The following VWA3B variants were observed in gnomAD, a reference collection of about 807,000 sequenced individuals.
The protein encoded by VWA3B is von Willebrand factor A domain-containing protein 3B.
Under a neutral mutation model 158.3 loss-of-function variants are expected in VWA3B, and 138 were observed. The ratio of observed to expected loss-of-function variants is 0.87; its 90% CI spans 0.76 to 1.00. The LOEUF is 1.00. VWA3B is among the 50% of genes least tolerant of loss of function. The pLI, the probability that VWA3B is intolerant of heterozygous loss-of-function variation, is 0.00. For synonymous variants in VWA3B, 596 were observed against 587.3 expected, an observed-to-expected ratio of 1.01 and a Z score of -0.21; for missense variants, 1,555 against 1,565.1, an observed-to-expected ratio of 0.99 and a Z score of 0.11.
chr2:98,186,600 C>T (rs945672823), intron 9 of VWA3B, among the ~76,000 whole-genome samples: 1 of 151,960 alleles, frequency 6.6e-6, no homozygotes, highest in Non-Finnish European at 1.5e-5. Flanking sequence ...TTCCTGACTC[C>T]TCTCTTTTCT....
intron 9 of VWA3B, among the ~76,000 whole-genome samples, chr2:98,184,855 C>T (rs898361575): frequency 1.3e-5 from 2 of 152,200 alleles, no homozygotes; most frequent in African/African-American, 4.8e-5. Flanking sequence ...CTTCCCACGT[C>T]ATCAGACTGT....
At chr2:98,244,164 T>C (rs1335534737) in intron 19 of VWA3B, among the ~76,000 whole-genome samples, 1 of 152,320 alleles carries the variant, frequency 6.6e-6, no homozygotes, top group Admixed American at 6.5e-5. Context: ...TATGAACATT[T>C]TTCCTTACAA....
chr2:98,222,705 C>A (rs1684611134), intron 14 of VWA3B, among the ~76,000 whole-genome samples: 1 of 152,204 alleles, frequency 6.6e-6, no homozygotes, highest in African/African-American at 2.4e-5. Flanking sequence ...CTTCAGGCAG[C>A]ACCAGCAAGG....
chr2:98,174,554 T>G (rs1165863862), intron 8 of VWA3B, among the ~76,000 whole-genome samples: 1 of 152,182 alleles, frequency 6.6e-6, no homozygotes, highest in Non-Finnish European at 1.5e-5. Flanking sequence ...TGTGGCTGAC[T>G]AAGGTTGTAG....
chr2:98,282,864 G>A (rs13415414), intron 22 of VWA3B, among the ~76,000 whole-genome samples: 34,553 of 152,106 alleles, frequency 0.23, 4,176 homozygotes, highest in Admixed American at 0.33. Context: ...TTTCTTAGGC[G>A]TCATTTGCAG....
At chr2:98,108,769 G>C (rs1163509296) in intron 2 of VWA3B, among the ~76,000 whole-genome samples, 1 of 151,166 alleles carries the variant, frequency 6.6e-6, no homozygotes, top group Admixed American at 6.6e-5. Flanking sequence ...ACAGTATATT[G>C]TTGAGTCTTT....
chr2:98,113,576 T>C (rs1674310658), intron 2 of VWA3B, among the ~76,000 whole-genome samples: 1 of 152,226 alleles, frequency 6.6e-6, no homozygotes, highest in Non-Finnish European at 1.5e-5. Flanking sequence ...ACAGCTTTAT[T>C]GAGCTATAAT....
intron 9 of VWA3B, 93 bp downstream of exon 9, chr2:98,181,305 C>A: frequency 2.2e-6 from 3 of 1,379,898 alleles, no homozygotes; most frequent in Admixed American, 2.1e-5. Context: ...GGGGAAGGGG[C>A]AGCAGGGAGA....
chr2:98,100,943 G>C (rs560800342), intron 2 of VWA3B, among the ~76,000 whole-genome samples: 2 of 152,250 alleles, frequency 1.3e-5, no homozygotes, highest in African/African-American at 4.8e-5. Flanking sequence ...TGATGTTTCT[G>C]TAGGGGACAA....
At chr2:98,104,474 A>C (rs1683292247) in intron 2 of VWA3B, among the ~76,000 whole-genome samples, 1 of 152,202 alleles carries the variant, frequency 6.6e-6, no homozygotes, top group African/African-American at 2.4e-5. Context: ...ACTAAGATTG[A>C]GAACTCCCTC....
chr2:98,229,827 G>A (rs551835915), intron 15 of VWA3B, among the ~76,000 whole-genome samples: 1 of 152,310 alleles, frequency 6.6e-6, no homozygotes, highest in African/African-American at 2.4e-5. Context: ...GACCAGACCT[G>A]TGAAGTGAGC....
At chr2:98,203,140 A>G (rs987905782) in intron 12 of VWA3B, among the ~76,000 whole-genome samples, 1 of 151,996 alleles carries the variant, frequency 6.6e-6, no homozygotes, top group Non-Finnish European at 1.5e-5. Context: ...CGGTTTATTT[A>G]TTTTTCGCCT....
chr2:98,241,526 G>A (rs1435237583), intron 19 of VWA3B, among the ~76,000 whole-genome samples: 3 of 151,902 alleles, frequency 2.0e-5, no homozygotes, highest in African/African-American at 7.3e-5. Context: ...TGTACCCAAA[G>A]CTCTTTATAA....
chr2:98,245,531 A>C (rs1686337598), intron 19 of VWA3B: 1 of 456,758 alleles, frequency 2.2e-6, no homozygotes, highest in African/African-American at 2.0e-5. Flanking sequence ...CACAAGCCAA[A>C]TCTGAGCTAC....
intron 7 of VWA3B, among the ~76,000 whole-genome samples, chr2:98,150,962 T>A (rs1165296771): frequency 6.6e-6 from 1 of 152,238 alleles, no homozygotes; most frequent in Non-Finnish European, 1.5e-5. Flanking sequence ...CCTGATGGCA[T>A]ATATCTTGCA....
chr2:98,157,829 A>G (rs1316906612), intron 7 of VWA3B, among the ~76,000 whole-genome samples: 1 of 172 alleles, frequency 5.8e-3, no homozygotes, highest in East Asian at 0.1. Context: ...CTGGGACTCA[A>G]GGGTCCCGAG....
the VWA3B span, among the ~76,000 whole-genome samples, chr2:98,318,615 C>A: frequency 5.3e-5 from 8 of 152,248 alleles, no homozygotes; most frequent in East Asian, 1.5e-3. Context: ...GAAAAAATAA[C>A]TAATGGATAC....
chr2:98,227,095 A>T (rs1375824118), intron 14 of VWA3B, among the ~76,000 whole-genome samples: 1 of 152,220 alleles, frequency 6.6e-6, no homozygotes, highest in Non-Finnish European at 1.5e-5. Flanking sequence ...GGAAGAGAAG[A>T]AGTCAAATTG....
Position 98,298,019 on chromosome 2 carries a change from C to A in VWA3B, c.3270C>A (p.Cys1090Ter). ...FITPVGGAMPCPLLQVGDYVF... is the reference protein window; with the variant it reads ...FITPVGGAMP ...CGCCTGTGGGGGGCGCCATGCCCTGCCCGCTGCTCCAGGTACCCAGTCCCT... is the reference window on the plus strand; with the variant it reads ...CGCCTGTGGGGGGCGCCATGCCCTGACCGCTGCTCCAGGTACCCAGTCCCT... Residue 1090 changes from cysteine to a stop codon, truncating the protein, a stop_gained, in exon 24 of 28, where the codon TGC becomes TGA. Transcript: ENST00000477737. LOFTEE classifies it high-confidence loss of function. 1 of 1,563,208 alleles carries A rather than the reference C, an allele frequency of 6.4e-7. No homozygotes were observed. Among genetic ancestry groups the A allele is most frequent in the Non-Finnish European group, 8.7e-7 (1 of 1,155,878 alleles).
Sources: gnomAD v4.1 joint callset for allele counts (sites outside exome capture counted in the v4.1 genomes callset) on GRCh38, gnomAD v4.1.1 for gene constraint, MANE v1.5 for transcripts, NCBI Gene and HGNC (gene_info 2026-07-23, HGNC 2026-07-21) for gene names.